The following ACOXL variants were observed in gnomAD, a reference collection of about 807,000 sequenced individuals.
ACOXL encodes acyl-coenzyme A oxidase-like protein.
ACOXL carries 70 observed loss-of-function variants against 71.9 expected under a neutral mutation model. That is an observed-to-expected ratio of 0.97 (90% CI 0.80 to 1.19). The LOEUF is 1.19. ACOXL is among the 50% of genes most tolerant of loss of function. ACOXL has a pLI of 0.00. For missense variants in ACOXL, 703 were observed against 736.3 expected (o/e 0.95, Z 0.52); for synonymous variants, 253 against 281.6 (o/e 0.90, Z 1.02).
At chr2:110,787,784 T>C (rs1256658001) in intron 3 of ACOXL, among the ~76,000 whole-genome samples, 2 of 152,146 alleles carry the variant, frequency 1.3e-5, no homozygotes, top group African/African-American at 4.8e-5. Context: ...TTCTCCTGGC[T>C]GACAACTATT....
intron 14 of ACOXL, among the ~76,000 whole-genome samples, chr2:111,013,545 A>G (rs2064274768): frequency 6.9e-6 from 1 of 144,888 alleles, no homozygotes; most frequent in Non-Finnish European, 1.5e-5. Context: ...AAAAAAAAAA[A>G]GAAGTAAAAG....
chr2:110,822,297 T>G (rs1169768765), intron 9 of ACOXL, among the ~76,000 whole-genome samples: 1 of 152,202 alleles, frequency 6.6e-6, no homozygotes, highest in East Asian at 1.9e-4. Flanking sequence ...GTCTCAACTC[T>G]GATCCCTTTA....
At chr2:110,815,661 A>G (rs1687827496) in intron 9 of ACOXL, among the ~76,000 whole-genome samples, 1 of 152,190 alleles carries the variant, frequency 6.6e-6, no homozygotes, top group Non-Finnish European at 1.5e-5. Context: ...TGTTGCCTGC[A>G]TCGTAGGGAC....
chr2:110,790,546 G>A (rs928416801), intron 3 of ACOXL, among the ~76,000 whole-genome samples: 9 of 152,190 alleles, frequency 5.9e-5, no homozygotes, highest in Admixed American at 3.9e-4. Context: ...CAAGGTGGGT[G>A]CATGTTTGAA....
chr2:111,076,897 C>T (rs77893105), intron 16 of ACOXL, among the ~76,000 whole-genome samples: 267 of 152,236 alleles, frequency 1.8e-3, no homozygotes, highest in African/African-American at 6.1e-3. Context: ...GTGGCCAACT[C>T]GTTCCAGTCT....
intron 9 of ACOXL, among the ~76,000 whole-genome samples, chr2:110,829,490 C>G (rs766059476): frequency 4.3e-4 from 66 of 152,196 alleles, no homozygotes; most frequent in Non-Finnish European, 6.8e-4. Flanking sequence ...TCAGAAAGCT[C>G]AGGATGTACT....
chr2:110,794,196 T>G (rs1219816565), intron 5 of ACOXL, 22 bp downstream of exon 5: 1 of 1,610,854 alleles, frequency 6.2e-7, no homozygotes, highest in Non-Finnish European at 8.5e-7. Flanking sequence ...ATCCTTCTCC[T>G]GCCGTGCAGG....
At chr2:110,920,325 C>T (rs970369734) in intron 11 of ACOXL, among the ~76,000 whole-genome samples, 8 of 152,176 alleles carry the variant, frequency 5.3e-5, no homozygotes, top group African/African-American at 1.7e-4. Flanking sequence ...ACACTAATAA[C>T]TAATAATGTT....
At chr2:111,001,199 A>G (rs770154751) in intron 14 of ACOXL, among the ~76,000 whole-genome samples, 3 of 152,210 alleles carry the variant, frequency 2.0e-5, no homozygotes, top group Non-Finnish European at 4.4e-5. Context: ...CCAAGGGCTT[A>G]TGTCAAAGAG....
chr2:111,061,961 A>G (rs1212325207), intron 16 of ACOXL, among the ~76,000 whole-genome samples: 2 of 151,974 alleles, frequency 1.3e-5, no homozygotes, highest in Non-Finnish European at 2.9e-5. Context: ...ACAGAAAACA[A>G]GAAATAAAAA....
At chr2:110,751,603 G>A (rs1214405405) in intron 1 of ACOXL, among the ~76,000 whole-genome samples, 1 of 152,128 alleles carries the variant, frequency 6.6e-6, no homozygotes, top group Non-Finnish European at 1.5e-5. Context: ...ACAATGAAAT[G>A]CAAAAATCTT....
chr2:110,946,325 C>T (rs554652380), intron 12 of ACOXL, among the ~76,000 whole-genome samples: 2 of 152,286 alleles, frequency 1.3e-5, no homozygotes, highest in East Asian at 3.9e-4. Flanking sequence ...ATGTTATCTG[C>T]AAACAGAGAT....
At chr2:111,062,419 C>G (rs1226556532) in intron 16 of ACOXL, among the ~76,000 whole-genome samples, 2 of 152,054 alleles carry the variant, frequency 1.3e-5, no homozygotes, top group Non-Finnish European at 2.9e-5. Context: ...AACAACTAGA[C>G]AGAAAATCAA....
intron 16 of ACOXL, among the ~76,000 whole-genome samples, chr2:111,092,596 A>C (rs2068587847): frequency 6.6e-6 from 1 of 152,048 alleles, no homozygotes; most frequent in African/African-American, 2.4e-5. Flanking sequence ...TGTGAGTTAA[A>C]ATTTCTTGAG....
At chr2:110,982,623 C>T (rs886415683) in intron 12 of ACOXL, among the ~76,000 whole-genome samples, 2 of 152,184 alleles carry the variant, frequency 1.3e-5, no homozygotes, top group Non-Finnish European at 2.9e-5. Context: ...CCATGGGTGA[C>T]CCCTGAAATG....
At chr2:110,885,957 T>A (rs2149117783) in intron 10 of ACOXL, among the ~76,000 whole-genome samples, 1 of 152,346 alleles carries the variant, frequency 6.6e-6, no homozygotes, top group East Asian at 1.9e-4. Context: ...CTATGAAGTG[T>A]TCTGTCATGT....
intron 12 of ACOXL, among the ~76,000 whole-genome samples, chr2:110,966,266 C>T (rs1443753107): frequency 6.6e-6 from 1 of 152,172 alleles, no homozygotes. Flanking sequence ...TCCACCCCCA[C>T]TCAGCAGCAA....
intron 1 of ACOXL, among the ~76,000 whole-genome samples, chr2:110,746,451 C>T (rs767206043): frequency 6.6e-6 from 1 of 152,010 alleles, no homozygotes; most frequent in South Asian, 2.1e-4. Context: ...TTGAGGGAAT[C>T]GCCATGTCCA....
intron 16 of ACOXL, among the ~76,000 whole-genome samples, chr2:111,050,890 C>T (rs796162004): frequency 3.9e-5 from 6 of 152,332 alleles, no homozygotes; most frequent in African/African-American, 1.2e-4. Context: ...CACCATTTCA[C>T]CTTCTTGCTG....
Sources: allele counts gnomAD v4.1 joint callset (sites outside exome capture counted in the v4.1 genomes callset), GRCh38; gene constraint gnomAD v4.1.1; transcripts MANE v1.5; gene names NCBI Gene and HGNC (gene_info 2026-07-23, HGNC 2026-07-21).